Variants in AHRR observed in about 807,000 individuals in gnomAD.
The protein encoded by AHRR is aryl hydrocarbon receptor repressor.
AHRR carries 28 observed loss-of-function variants against 44.0 expected under a neutral mutation model. That is an observed-to-expected ratio of 0.64 (90% CI 0.47 to 0.87). The LOEUF is 0.87. Among genes scored for constraint, AHRR ranks in the 40% least tolerant of loss-of-function variants. AHRR has a pLI of 0.00. For synonymous variants in AHRR, 434 were observed against 407.0 expected (o/e 1.07, Z -0.80); for missense variants, 990 against 953.9 (o/e 1.04, Z -0.50).
intron 4 of AHRR, 70 bp downstream of exon 4, chr5:376,786 T>A: frequency 7.4e-7 from 1 of 1,350,270 alleles, no homozygotes; most frequent in Non-Finnish European, 1.0e-6. Context: ...TCAGGCTCAG[T>A]CATACTCCGT....
In AHRR at chr5:326,082, C is replaced by T. The variant is rs1287817025; in HGVS notation, c.-11+4263C>T. Among the ~76,000 whole-genome samples the T allele has an allele frequency of 6.6e-6, 1 of 152,240 alleles. No homozygotes were observed. Among genetic ancestry groups the T allele is most frequent in the Non-Finnish European group, 1.5e-5 (1 of 68,050 alleles). On this transcript the variant is annotated intron_variant, in intron 1 of 10. Coordinates refer to ENST00000684583, the MANE Select transcript of AHRR (RefSeq NM_001377236.1). This position sits in a 1 kb window ranked among gnomAD's most constrained non-coding sequence, Gnocchi z 4.1. ...ACAGGCGTGAGCCACTGCGGCCGGC[C>T]TCTTTGTATTTTCTCGTTGAGGCAA...
At chr5:354,177 G>A (rs1742962176) in intron 3 of AHRR, among the ~76,000 whole-genome samples, 2 of 152,200 alleles carry the variant, frequency 1.3e-5, no homozygotes, top group South Asian at 4.1e-4. Flanking sequence ...GCTGGGATGG[G>A]CCAGTTTGCG....
intron 1 of AHRR, among the ~76,000 whole-genome samples, chr5:332,929 C>CTTTT (rs57937804): frequency 3.0e-5 from 4 of 132,056 alleles, no homozygotes; most frequent in Non-Finnish European, 3.1e-5. Context: ...TGACCTTTGT[C>CTTTT]TTTTTTTTTT....
chr5:373,249 C>T (rs1743639155), intron 3 of AHRR, among the ~76,000 whole-genome samples: 1 of 152,234 alleles, frequency 6.6e-6, no homozygotes, highest in Admixed American at 6.5e-5. Flanking sequence ...GCGGCCCTGG[C>T]CCTGCCCTGC....
chr5:424,018 G>A (rs754280737), intron 7 of AHRR, 41 bp downstream of exon 7: 25 of 1,580,686 alleles, frequency 1.6e-5, no homozygotes, highest in East Asian at 2.2e-5. Context: ...CCGACATCTG[G>A]GATGCATTCT....
intron 4 of AHRR, among the ~76,000 whole-genome samples, chr5:389,153 G>A (rs1444505171): frequency 2.0e-5 from 3 of 151,992 alleles, no homozygotes; most frequent in South Asian, 4.2e-4. Flanking sequence ...ATGCCCTGGC[G>A]GAGGGGAGCC....
intron 3 of AHRR, chr5:367,771 T>C: frequency 1.4e-6 from 1 of 691,534 alleles, no homozygotes; most frequent in Non-Finnish European, 2.6e-6. Context: ...CGTGTGTTGC[T>C]GGGTTCTGTC....
rs1735971733 is a variant in AHRR, at chr5:419,459, G to A, written c.442-3270G>A. On this transcript the variant is annotated intron_variant, in intron 5 of 10. Transcript: ENST00000684583. This position sits in a 1 kb window ranked among gnomAD's most constrained non-coding sequence, Gnocchi z 4.4. ...TGGGATTACAGGCGTGAACCACTGTGCCCGGCTGAGAGTTTTAGTCTTTTA... is the reference window on the plus strand; with the variant it reads ...TGGGATTACAGGCGTGAACCACTGTACCCGGCTGAGAGTTTTAGTCTTTTA... Among the ~76,000 whole-genome samples, 1 of 152,192 alleles carries A rather than the reference G, an allele frequency of 6.6e-6. No individual in the cohort carries two copies. The highest frequency in any genetic ancestry group is 6.5e-5 in the Admixed American group (1 of 15,288).
intron 7 of AHRR, among the ~76,000 whole-genome samples, chr5:426,765 C>T (rs1316787586): frequency 9.3e-6 from 1 of 107,066 alleles, no homozygotes; most frequent in South Asian, 3.1e-4. Context: ...ATGATGGATG[C>T]ATGGACAGAT....
intron 2 of AHRR, among the ~76,000 whole-genome samples, chr5:346,593 C>T (rs1001246602): frequency 1.3e-5 from 2 of 152,220 alleles, no homozygotes; most frequent in Non-Finnish European, 2.9e-5. Context: ...CGCCCACCCC[C>T]GGGGGACCCA....
intron 3 of AHRR, among the ~76,000 whole-genome samples, chr5:366,503 A>G (rs929956263): frequency 3.3e-5 from 5 of 152,228 alleles, no homozygotes; most frequent in Non-Finnish European, 5.9e-5. Flanking sequence ...AGAGATGACT[A>G]TAGAAAGAAA....
In AHRR at chr5:434,763, G is replaced by A. The variant is rs546764661; in HGVS notation, c.2023G>A (p.Gly675Arg). The change falls in exon 11 of 11, where the codon GGG (glycine) becomes AGG (arginine). Residue 675 changes from glycine (G) to arginine (R), a missense_variant. Gly to Arg is a moderately radical substitution (Grantham distance 125). Transcript: ENST00000684583. ...TACTCACAGCCAGGGAATGGTGCCC[G>A]GGATGTTGCCCAAAAGTGCCTTGGC... ...WATHSQGMVPGMLPKSALATL... is the reference protein window; with the variant it reads ...WATHSQGMVPRMLPKSALATL... 1.0e-5 allele frequency: 16 copies of A among 1,562,470 alleles called. No homozygotes were observed. The highest frequency in any genetic ancestry group is 9.5e-5 in the Admixed American group (5 of 52,840).
intron 6 of AHRR, among the ~76,000 whole-genome samples, chr5:423,601 A>C (rs1328624478): frequency 6.6e-6 from 1 of 152,264 alleles, no homozygotes; most frequent in Admixed American, 6.5e-5. Context: ...AAAAACAAGC[A>C]AGATGAAACC....
intron 3 of AHRR, 128 bp from the exon 4 acceptor site, chr5:376,482 G>A: frequency 3.6e-5 from 1 of 28,054 alleles, no homozygotes; most frequent in Non-Finnish European, 1.1e-4. Context: ...AGGGGTCAGT[G>A]CAGCCCAGGC....
At chr5:347,192 G>A (rs1742708195) in intron 2 of AHRR, among the ~76,000 whole-genome samples, 2 of 152,162 alleles carry the variant, frequency 1.3e-5, no homozygotes, top group South Asian at 2.1e-4. Flanking sequence ...TCTGTGAACC[G>A]TGTTTACGCC....
intron 3 of AHRR, among the ~76,000 whole-genome samples, chr5:374,992 T>C (rs2671912): frequency 0.71 from 107,506 of 152,096 alleles, 38,615 homozygotes; most frequent in African/African-American, 0.77. Context: ...CCAGGGACTG[T>C]GGGGTGAGGA....
chr5:344,868 A>C (rs1742544685), intron 2 of AHRR, among the ~76,000 whole-genome samples: 1 of 81,480 alleles, frequency 1.2e-5, no homozygotes, highest in Non-Finnish European at 2.2e-5. Context: ...GAGACTGTGC[A>C]GGTGTGCAGG....
At position 338,833 on chromosome 5, in the gene AHRR, T is replaced by C. The variant is rs1436183145; in HGVS notation, c.-10-5060T>C. Among the ~76,000 whole-genome samples the C allele has an allele frequency of 1.3e-5, 2 of 152,174 alleles. No homozygotes were observed. The highest frequency in any genetic ancestry group is 3.2e-3 in the Middle Eastern group (1 of 316). ...CAATTCTCATTACATTTGGAAAAAATTTCTGCTGTTTCTTACATTTTCTCC... is the reference window on the plus strand; with the variant it reads ...CAATTCTCATTACATTTGGAAAAAACTTCTGCTGTTTCTTACATTTTCTCC... On this transcript the variant is annotated intron_variant, in intron 1 of 10. Coordinates refer to ENST00000684583, the MANE Select transcript of AHRR (RefSeq NM_001377236.1). This position sits in a 1 kb window ranked among gnomAD's most constrained non-coding sequence, Gnocchi z 4.1.
intron 4 of AHRR, among the ~76,000 whole-genome samples, chr5:399,526 T>A (rs1734918177): frequency 6.6e-6 from 1 of 152,236 alleles, no homozygotes; most frequent in Non-Finnish European, 1.5e-5. Context: ...GGTGCTGCCC[T>A]GATCACTGGA....
Sources: allele counts gnomAD v4.1 joint callset (sites outside exome capture counted in the v4.1 genomes callset), GRCh38; gene constraint gnomAD v4.1.1; non-coding constraint Gnocchi (gnomAD v3.1); transcripts MANE v1.5; gene names NCBI Gene and HGNC (gene_info 2026-07-23, HGNC 2026-07-21).